KIRREL3: variants seen among roughly 807,000 people sequenced by gnomAD.
The protein encoded by KIRREL3 is kirre like nephrin family adhesion molecule 3.
Under a neutral mutation model 89.7 loss-of-function variants are expected in KIRREL3, and 36 were observed. The observed-to-expected ratio is 0.40, with a 90% CI of 0.31 to 0.53. KIRREL3 has a LOEUF of 0.53. KIRREL3 is among the 20% of genes least tolerant of loss of function. KIRREL3 has a pLI of 0.49. For synonymous variants in KIRREL3, 445 were observed against 441.4 expected (o/e 1.01, Z -0.10); for missense variants, 864 against 1,056.6 (o/e 0.82, Z 2.53).
rs932822132 is a variant in KIRREL3, at chr11:126,558,505, G to T, written c.133+4330C>A. On this transcript the variant is annotated intron_variant, in intron 2 of 16. Transcript: ENST00000525144. This position sits in a 1 kb window ranked among gnomAD's most constrained non-coding sequence, Gnocchi z 4.0. ...AAGAGCCCTGGGTGTCTGGAGCCCT[G>T]GGCTGTGGTCCTGGCTCTTCCAGCC... Among the ~76,000 whole-genome samples, 4 of 152,164 alleles carry T rather than the reference G, an allele frequency of 2.6e-5. No individual in the cohort carries two copies. The highest frequency in any genetic ancestry group is 4.4e-5 in the Non-Finnish European group (3 of 68,032).
At chr11:126,529,092 A>G (rs1363878703) in intron 2 of KIRREL3, among the ~76,000 whole-genome samples, 1 of 152,136 alleles carries the variant, frequency 6.6e-6, no homozygotes, top group African/African-American at 2.4e-5. Flanking sequence ...TGAGATGTCC[A>G]TTATTAGGAA....
Position 126,501,995 on chromosome 11 carries a change from A to T in KIRREL3, c.433+19320T>A, listed in dbSNP as rs1957880752. ...TGTTTGCAAGCAGGCAAACAGGCAT[A>T]AACTGACCAGGTCTTTGTAAGAGAA... is the stretch of plus-strand genomic sequence containing the variant. On this transcript the variant is annotated intron_variant, in intron 4 of 16. Coordinates refer to ENST00000525144, the MANE Select transcript of KIRREL3 (RefSeq NM_032531.4). This position sits in a 1 kb window ranked among gnomAD's most constrained non-coding sequence, Gnocchi z 5.8. Among the ~76,000 whole-genome samples, 1 of 152,226 alleles carries T rather than the reference A, an allele frequency of 6.6e-6. No homozygotes were observed. Among genetic ancestry groups the T allele is most frequent in the Non-Finnish European group, 1.5e-5 (1 of 68,046 alleles).
rs1222610868 is a variant in KIRREL3 at position 126,645,818 on chromosome 11, T to G, written c.56-82906A>C. ...TACATTACTGCTTCCTCACACACCT[T>G]ATTTTATTTCCTTTCCTTCCTTCCA... On this transcript the variant is annotated intron_variant, in intron 1 of 16. Coordinates refer to ENST00000525144, the MANE Select transcript of KIRREL3 (RefSeq NM_032531.4). The surrounding 1 kb of genome is among the most constrained non-coding windows in gnomAD (Gnocchi z 4.9). Among the ~76,000 whole-genome samples, 1 of 152,218 alleles carries G rather than the reference T, an allele frequency of 6.6e-6. No homozygotes were observed. Among genetic ancestry groups the G allele is most frequent in the Non-Finnish European group, 1.5e-5 (1 of 68,034 alleles).
intron 1 of KIRREL3, among the ~76,000 whole-genome samples, chr11:126,959,042 C>T (rs1440805489): frequency 6.6e-6 from 1 of 152,102 alleles, no homozygotes; most frequent in Non-Finnish European, 1.5e-5. Flanking sequence ...ACTGACTTCT[C>T]TCTCTCTCTC....
chr11:126,517,136 A>AGAGAGAGAGAG (rs1958437220), intron 4 of KIRREL3, among the ~76,000 whole-genome samples: 2 of 140,812 alleles, frequency 1.4e-5, no homozygotes, highest in Admixed American at 7.1e-5. Context: ...GAGAGAGAGA[A>AGAGAGAGAGAG]AGAGAGAGAG....
At chr11:126,986,221 G>GA (rs530951148) in intron 1 of KIRREL3, among the ~76,000 whole-genome samples, 165 of 152,112 alleles carry the variant, frequency 1.1e-3, no homozygotes, top group African/African-American at 3.8e-3. Flanking sequence ...GAGTTGGGTT[G>GA]AAAAAAGAGG....
At chr11:126,450,997 A>G (rs1487890083) in intron 7 of KIRREL3, among the ~76,000 whole-genome samples, 2 of 128,368 alleles carry the variant, frequency 1.6e-5, no homozygotes, top group African/African-American at 3.1e-5. Flanking sequence ...GTCAATGTGC[A>G]TGTGTGCACG....
chr11:126,473,453 G>T lies in KIRREL3; in HGVS notation c.447C>A (p.Asp149Glu). Reference sequence around the variant, plus strand: ...TCACAGGGCCCCCCAGGATGACGGGGTCATCAGGCGGCACTGCGGGGAGAG... The same window carrying T: ...TCACAGGGCCCCCCAGGATGACGGGTTCATCAGGCGGCACTGCGGGGAGAG... The part of the protein sequence containing the change: ...ARLTVLVPPD[D>E]PVILGGPVIS... The change falls in exon 5 of 17, where the codon GAC (aspartate) becomes GAA (glutamate). Residue 149 changes from aspartate to glutamate, a missense_variant. Physicochemically the swap from Asp to Glu is conservative, Grantham distance 45 (BLOSUM62 2). Coordinates refer to ENST00000525144, the MANE Select transcript of KIRREL3 (RefSeq NM_032531.4). 6.4e-7 allele frequency: 1 copy of T among 1,557,712 alleles called. No individual in the cohort carries two copies. Among genetic ancestry groups the T allele is most frequent in the African/African-American group, 1.3e-5 (1 of 74,152 alleles).
intron 1 of KIRREL3, among the ~76,000 whole-genome samples, chr11:126,925,403 G>T (rs1399107385): frequency 6.6e-6 from 1 of 152,232 alleles, no homozygotes; most frequent in East Asian, 1.9e-4. Flanking sequence ...GATCAGGAAA[G>T]CTTCATGGCT....
rs1023393370 is a variant in KIRREL3 at position 126,497,219 on chromosome 11, AGT to A, written c.434-23755_434-23754del. On this transcript the variant is annotated intron_variant, in intron 4 of 16. Transcript: ENST00000525144. ...GTGTGTGTGAGTGTGAGTGTGTGAG[AGT>A]GAGTGTGTGTGAGACAGTGTGAGTG... Among the ~76,000 whole-genome samples, 297 of 55,446 alleles carry A rather than the reference AGT, an allele frequency of 5.4e-3. 2 individuals are homozygous for A. The highest frequency in any genetic ancestry group is 0.01 in the Non-Finnish European group (219 of 21,874). 36.4% of individuals were successfully genotyped at this position (55,446 alleles called of 152,430 possible).
chr11:126,557,628 G>A lies in KIRREL3; in HGVS notation c.133+5207C>T, dbSNP rs1197772733. Among the ~76,000 whole-genome samples the A allele has an allele frequency of 2.6e-5, 4 of 152,178 alleles. No homozygotes were observed. The highest frequency in any genetic ancestry group is 5.9e-5 in the Non-Finnish European group (4 of 68,030). On this transcript the variant is annotated intron_variant, in intron 2 of 16. Transcript: ENST00000525144. The surrounding 1 kb of genome is among the most constrained non-coding windows in gnomAD (Gnocchi z 5.6). ...CTTTCTATACGAGGAAACAGTAGAA[G>A]CTTTAGACTCATTTTTTTATTAGTG...
At chr11:126,629,382 G>GT (rs1457342831) in intron 1 of KIRREL3, among the ~76,000 whole-genome samples, 6 of 152,056 alleles carry the variant, frequency 3.9e-5, no homozygotes, top group Non-Finnish European at 7.4e-5. Context: ...GTGAAGCTCT[G>GT]GGGGGAGCTC....
intron 1 of KIRREL3, among the ~76,000 whole-genome samples, chr11:126,868,770 G>T (rs139987157): frequency 3.3e-5 from 5 of 152,028 alleles, no homozygotes; most frequent in African/African-American, 1.2e-4. Context: ...ACCATACACT[G>T]AGTGGCTGAC....
chr11:126,624,200 G>T lies in KIRREL3; in HGVS notation c.56-61288C>A, dbSNP rs911745819. Among the ~76,000 whole-genome samples, 1 of 152,178 alleles carries T rather than the reference G, an allele frequency of 6.6e-6. No individual in the cohort carries two copies. Among genetic ancestry groups the T allele is most frequent in the Admixed American group, 6.5e-5 (1 of 15,278 alleles). On this transcript the variant is annotated intron_variant, in intron 1 of 16. Coordinates refer to ENST00000525144, the MANE Select transcript of KIRREL3 (RefSeq NM_032531.4). The surrounding 1 kb of genome is among the most constrained non-coding windows in gnomAD (Gnocchi z 6.0). ...GAACTAGAATACAGGGAGCCAGGGG[G>T]TGGCGGTGTGGCGGGGAGGAGGCCA...
chr11:126,714,760 G>T (rs1320339380), intron 1 of KIRREL3, among the ~76,000 whole-genome samples: 1 of 152,078 alleles, frequency 6.6e-6, no homozygotes, highest in Non-Finnish European at 1.5e-5. Flanking sequence ...CCCTACCAGG[G>T]TTTCCTGGGA....
At chr11:126,556,901 C>A (rs572674561) in intron 2 of KIRREL3, among the ~76,000 whole-genome samples, 73 of 152,218 alleles carry the variant, frequency 4.8e-4, no homozygotes, top group Non-Finnish European at 9.1e-4. Context: ...AAATAACGGG[C>A]TTTGCAGCCC....
chr11:126,454,951 C>T lies in KIRREL3; in HGVS notation c.848+1398G>A, dbSNP rs1956288632. On this transcript the variant is annotated intron_variant, in intron 7 of 16. Transcript: ENST00000525144. The surrounding 1 kb of genome is among the most constrained non-coding windows in gnomAD (Gnocchi z 5.8). ...TTCTGACTCCAGTGCTGCTTAATTACGCACTCTGCAGGGAGCACCTCCTCA... is the reference window on the plus strand; with the variant it reads ...TTCTGACTCCAGTGCTGCTTAATTATGCACTCTGCAGGGAGCACCTCCTCA... 6.6e-6 allele frequency among the ~76,000 whole-genome samples: 1 copy of T among 152,204 alleles called. No individual in the cohort carries two copies. Among genetic ancestry groups the T allele is most frequent in the African/African-American group, 2.4e-5 (1 of 41,448 alleles).
chr11:126,892,407 T>A lies in KIRREL3; in HGVS notation c.55+108048A>T, dbSNP rs1355204935. 1.3e-5 allele frequency among the ~76,000 whole-genome samples: 2 copies of A among 152,178 alleles called. No individual in the cohort carries two copies. The highest frequency in any genetic ancestry group is 4.8e-5 in the African/African-American group (2 of 41,452). On this transcript the variant is annotated intron_variant, in intron 1 of 16. Transcript: ENST00000525144. This position sits in a 1 kb window ranked among gnomAD's most constrained non-coding sequence, Gnocchi z 5.4. ...AGTTTTATGACTCGATTTTAATCTG[T>A]ACCATTTAGGATATGCTCAGGAGGG...
intron 1 of KIRREL3, among the ~76,000 whole-genome samples, chr11:126,926,037 A>G (rs556205044): frequency 1.2e-4 from 18 of 152,224 alleles, no homozygotes; most frequent in Non-Finnish European, 2.2e-4. Context: ...TGATGTTCTT[A>G]TATGACTCTA....
Sources: gnomAD v4.1 joint callset for allele counts (sites outside exome capture counted in the v4.1 genomes callset) on GRCh38, gnomAD v4.1.1 for gene constraint, Gnocchi (gnomAD v3.1) non-coding constraint, MANE v1.5 for transcripts, NCBI Gene and HGNC (gene_info 2026-07-23, HGNC 2026-07-21) for gene names.